FLYWCH1: variants seen among roughly 807,000 people sequenced by gnomAD.
FLYWCH1 encodes the protein FLYWCH-type zinc finger 1, also known as FLYWCH-type zinc finger-containing protein 1.
Under a neutral mutation model 66.4 loss-of-function variants are expected in FLYWCH1, and 75 were observed. That is an observed-to-expected ratio of 1.13 (90% CI 0.94 to 1.37). The LOEUF is 1.37. Ranked by LOEUF, FLYWCH1 falls within the 40% of genes most tolerant of loss-of-function variation. FLYWCH1 has a pLI of 0.00. For missense variants in FLYWCH1, 1,334 were observed against 1,001.8 expected, an observed-to-expected ratio of 1.33 and a Z score of -4.48; for synonymous variants, 595 against 429.9, an observed-to-expected ratio of 1.38 and a Z score of -4.75.
At chr16:2,922,234 TGTG>T (rs2070399786) in intron 2 of FLYWCH1, 1 of 149,058 alleles carries the variant, frequency 6.7e-6, no homozygotes, top group Non-Finnish European at 1.5e-5. Context: ...ATGGCTCGTG[TGTG>T]TGTGTGTGTG....
intron 6 of FLYWCH1, chr16:2,935,698 G>C (rs1360172676): frequency 6.6e-6 from 1 of 152,024 alleles, no homozygotes; most frequent in Non-Finnish European, 1.5e-5. Flanking sequence ...TGCCGCTTTT[G>C]CGTGACTGAT....
chr16:2,922,484 T>G (rs1981538), intron 2 of FLYWCH1: 185,502 of 232,818 alleles, frequency 0.8, 74,546 homozygotes, highest in Non-Finnish European at 0.84. Flanking sequence ...CTCATCCTCC[T>G]GCCCCTGGCA....
At chr16:2,933,618 C>T (rs778075453) in intron 5 of FLYWCH1, 36 bp downstream of exon 5, 3 of 1,565,120 alleles carry the variant, frequency 1.9e-6, no homozygotes, top group East Asian at 2.3e-5. Context: ...CCGGCCCTGC[C>T]TTGACTCTTG....
At position 2,933,881 on chromosome 16, in the gene FLYWCH1, C is replaced by G; in HGVS notation, c.1415C>G (p.Thr472Ser). ...SRAITQGRRV[T>S]VMRGHCHPPD... ...GCCATCACCCAGGGCCGACGGGTGA[C>G]TGTCATGCGTGGTCACTGCCACCCG... Residue 472 changes from threonine (T) to serine (S), a missense_variant, in exon 6 of 10, where the codon ACT becomes AGT. Transcript: ENST00000253928. 1 of 1,596,034 alleles carries G rather than the reference C, an allele frequency of 6.3e-7. No homozygotes were observed. The highest frequency in any genetic ancestry group is 8.5e-7 in the Non-Finnish European group (1 of 1,171,780).
Position 2,933,401 on chromosome 16 carries a change from C to T in FLYWCH1, c.1068C>T (p.Asp356=), listed in dbSNP as rs186501101. The change falls in exon 5 of 10, where the codon GAC becomes GAT. Residue 356 remains aspartate, a synonymous_variant. Transcript: ENST00000253928. ...TGGAGACGCTGCAGGCTGGGCAGGACGGCCCTGGGAGCCAAGTGGACACGC... is the reference window on the plus strand; with the variant it reads ...TGGAGACGCTGCAGGCTGGGCAGGATGGCCCTGGGAGCCAAGTGGACACGC... ...KAVETLQAGQ[D]GPGSQVDTLL... 951 of 1,601,222 alleles carry T rather than the reference C, an allele frequency of 5.9e-4. 2 individuals are homozygous for T. The East Asian group carries it at 0.01, about 17-fold the overall frequency.
intron 8 of FLYWCH1, chr16:2,939,671 G>C (rs1596392820): frequency 4.1e-6 from 1 of 244,090 alleles, no homozygotes; most frequent in Non-Finnish European, 8.2e-6. Context: ...CTGCAGTCCA[G>C]CCTGGGTGAC....
chr16:2,948,781 A>G lies in FLYWCH1; in HGVS notation c.*54A>G. 1.3e-6 allele frequency: 2 copies of G among 1,527,068 alleles called. No individual in the cohort carries two copies. Among genetic ancestry groups the G allele is most frequent in the Non-Finnish European group, 1.8e-6 (2 of 1,102,166 alleles). The allele number at this position is 1,527,068 out of a possible 1,614,324, so 94.6% of individuals were successfully genotyped here. A position where few individuals can be genotyped will look rare whatever the true frequency, so the allele number is the denominator to read the frequency against. Reference sequence around the variant, plus strand: ...GCCCACCCAAGGTGGCTTCACATCCACACAGGCACTTCCCATCCACCTAGG... The same window carrying G: ...GCCCACCCAAGGTGGCTTCACATCCGCACAGGCACTTCCCATCCACCTAGG... On this transcript the variant is annotated 3_prime_UTR_variant, in exon 10 of 10. Transcript: ENST00000253928.
At chr16:2,943,113 G>A (rs1567352799) in intron 9 of FLYWCH1, among the ~76,000 whole-genome samples, 1 of 152,062 alleles carries the variant, frequency 6.6e-6, no homozygotes, top group Non-Finnish European at 1.5e-5. Context: ...CTGAACACTT[G>A]CTTTTCTTCT....
chr16:2,933,074 C>T, intron 4 of FLYWCH1, 56 bp from the exon 5 acceptor site: 2 of 1,481,378 alleles, frequency 1.4e-6, no homozygotes, highest in Non-Finnish European at 1.9e-6. Context: ...CAGGGGCTGT[C>T]CCTCCTGGGC....
intron 9 of FLYWCH1, among the ~76,000 whole-genome samples, chr16:2,945,485 C>CAAAAA (rs60942194): frequency 1.1e-5 from 1 of 87,928 alleles, no homozygotes; most frequent in Non-Finnish European, 2.2e-5. Flanking sequence ...GACTCCATCT[C>CAAAAA]AAAAAAAAAA....
At chr16:2,940,869 ATTTGTAAT>A (rs2071232974) in intron 9 of FLYWCH1, among the ~76,000 whole-genome samples, 1 of 28,820 alleles carries the variant, frequency 3.5e-5, no homozygotes, top group Non-Finnish European at 6.1e-5. Flanking sequence ...CAGGCAGATC[ATTTGTAAT>A]TCCAGCACTT....
chr16:2,937,538 C>G (rs1041041802), intron 7 of FLYWCH1, among the ~76,000 whole-genome samples, 154 bp downstream of exon 7: 1 of 152,168 alleles, frequency 6.6e-6, no homozygotes, highest in Non-Finnish European at 1.5e-5. Context: ...GCTCCATCTG[C>G]GGGCTCCGAG....
At chr16:2,948,633 T>C (rs2071582417) in intron 9 of FLYWCH1, 55 bp from the exon 10 acceptor site, 6 of 1,570,618 alleles carry the variant, frequency 3.8e-6, no homozygotes, top group South Asian at 1.1e-5. Flanking sequence ...TTCTGTGTTA[T>C]CTATTTCCAC....
intron 6 of FLYWCH1, chr16:2,936,764 C>G (rs1407254121): frequency 4.0e-6 from 2 of 498,412 alleles, no homozygotes; most frequent in East Asian, 5.7e-5. Context: ...CCCAGAGGGC[C>G]CCGGGTCATT....
chr16:2,935,297 C>G (rs2070952657), intron 6 of FLYWCH1: 1 of 152,524 alleles, frequency 6.6e-6, no homozygotes, highest in African/African-American at 2.4e-5. Flanking sequence ...ATCTTCCTAA[C>G]ACAGCTCTGT....
chr16:2,925,913 G>A (rs1001970392), intron 2 of FLYWCH1, among the ~76,000 whole-genome samples: 1 of 152,226 alleles, frequency 6.6e-6, no homozygotes, highest in Non-Finnish European at 1.5e-5. Flanking sequence ...CAAAGTGGGA[G>A]ACCAGTGGGA....
chr16:2,932,353 C>G (rs1285597147), intron 4 of FLYWCH1, among the ~76,000 whole-genome samples: 1 of 151,390 alleles, frequency 6.6e-6, no homozygotes, highest in Non-Finnish European at 1.5e-5. Context: ...TCAGCCCTCC[C>G]TGATGGTAGC....
chr16:2,914,908 CAAAAAAAAAA>C (rs555910638), intron 2 of FLYWCH1, among the ~76,000 whole-genome samples: 5 of 72,708 alleles, frequency 6.9e-5, no homozygotes, highest in African/African-American at 2.6e-4. Flanking sequence ...GACTCTGTCT[CAAAAAAAAAA>C]AAAAAAAAAG....
chr16:2,929,707 G>A lies in FLYWCH1; in HGVS notation c.22G>A (p.Glu8Lys), dbSNP rs547602432. 309 of 1,612,794 alleles carry A rather than the reference G, an allele frequency of 1.9e-4. 1 individual carries two copies. The South Asian group carries it at 3.2e-3, about 17-fold the overall frequency. Residue 8 changes from glutamate to lysine, a missense_variant, in exon 3 of 10, where the codon GAG becomes AAG. Glu to Lys is a moderately conservative substitution (Grantham distance 56, BLOSUM62 1). Transcript: ENST00000253928. ...CGGGATGCCCCTGCCCGAGCCCAGC[G>A]AGCAGGAGGGCGAGAGTGTGAAGGC... MPLPEPS[E>K]QEGESVKAGQ...
Sources: allele counts gnomAD v4.1 joint callset (sites outside exome capture counted in the v4.1 genomes callset), GRCh38; gene constraint gnomAD v4.1.1; transcripts MANE v1.5; gene names NCBI Gene and HGNC (gene_info 2026-07-23, HGNC 2026-07-21).